GPM6A: variants seen among roughly 807,000 people sequenced by gnomAD.
GPM6A encodes the protein neuronal membrane glycoprotein M6-a.
In GPM6A, 7 loss-of-function variants were observed where a neutral mutation model predicts 32.1. The observed-to-expected ratio is 0.22, with a 90% confidence interval of 0.12 to 0.41. The LOEUF is 0.41. GPM6A is among the 10% of genes least tolerant of loss of function. The probability of loss-of-function intolerance (pLI) is 1.00; values close to 1 mark genes in which losing one functional copy is unlikely to be tolerated. For synonymous variants in GPM6A, 130 were observed against 123.4 expected (o/e 1.05, Z -0.35); for missense variants, 235 against 347.2 (o/e 0.68, Z 2.57).
intron 1 of GPM6A, among the ~76,000 whole-genome samples, chr4:175,900,822 C>T (rs1457204341): frequency 1.3e-5 from 2 of 152,170 alleles, no homozygotes; most frequent in African/African-American, 4.8e-5. Context: ...AGCTGCACTC[C>T]TATGTTTGTT....
At chr4:175,859,977 T>C (rs1736525234) in intron 1 of GPM6A, among the ~76,000 whole-genome samples, 1 of 152,132 alleles carries the variant, frequency 6.6e-6, no homozygotes, top group African/African-American at 2.4e-5. Flanking sequence ...TTTGAGACCA[T>C]TTTAAACTAT....
At chr4:175,865,959 G>C (rs1171507871) in intron 1 of GPM6A, among the ~76,000 whole-genome samples, 1 of 151,932 alleles carries the variant, frequency 6.6e-6, no homozygotes, top group Admixed American at 6.6e-5. Flanking sequence ...TTTTCATTGT[G>C]GAAAAATTTT....
intron 1 of GPM6A, among the ~76,000 whole-genome samples, chr4:175,799,836 G>A (rs1184354074): frequency 3.3e-5 from 5 of 151,264 alleles, no homozygotes; most frequent in South Asian, 2.1e-4. Context: ...CACCGCGCCC[G>A]GCTAATTTTT....
At chr4:175,748,679 C>T (rs536743859) in intron 1 of GPM6A, among the ~76,000 whole-genome samples, 1 of 152,242 alleles carries the variant, frequency 6.6e-6, no homozygotes, top group Admixed American at 6.5e-5. Context: ...GATAAATAAA[C>T]ATTAAAGTTA....
At chr4:175,763,581 T>C (rs1003395226) in intron 1 of GPM6A, among the ~76,000 whole-genome samples, 10 of 152,186 alleles carry the variant, frequency 6.6e-5, no homozygotes, top group African/African-American at 2.4e-4. Context: ...TAAATGCAGT[T>C]TATCTAGGGA....
chr4:175,908,114 TATC>T (rs1738191055), intron 1 of GPM6A, among the ~76,000 whole-genome samples: 1 of 152,200 alleles, frequency 6.6e-6, no homozygotes, highest in Non-Finnish European at 1.5e-5. Context: ...TGGCCATAGT[TATC>T]ATGTTATATA....
intron 1 of GPM6A, among the ~76,000 whole-genome samples, chr4:175,850,796 T>C (rs960901949): frequency 3.3e-5 from 5 of 150,866 alleles, no homozygotes; most frequent in African/African-American, 1.2e-4. Context: ...ATATTGCATA[T>C]ATAAAATTGT....
intron 1 of GPM6A, among the ~76,000 whole-genome samples, chr4:175,977,563 G>T (rs1740697747): frequency 1.3e-5 from 2 of 152,196 alleles, no homozygotes; most frequent in African/African-American, 4.8e-5. Flanking sequence ...TACATTATTT[G>T]ATACATATCT....
chr4:175,737,914 A>C, intron 1 of GPM6A, among the ~76,000 whole-genome samples: 1 of 151,432 alleles, frequency 6.6e-6, no homozygotes. Flanking sequence ...AGATGAGGGC[A>C]TCTAAACATC....
intron 1 of GPM6A, among the ~76,000 whole-genome samples, chr4:175,826,176 C>A (rs10866380): frequency 0.91 from 133,423 of 146,264 alleles, 60,833 homozygotes; most frequent in East Asian, 1. Context: ...AACAAACAAA[C>A]AAAAAAACTG....
At chr4:175,877,256 G>T (rs980332749) in intron 1 of GPM6A, among the ~76,000 whole-genome samples, 1 of 151,998 alleles carries the variant, frequency 6.6e-6, no homozygotes, top group Admixed American at 6.6e-5. Flanking sequence ...AAGAAGCAAG[G>T]GACAGCAAAT....
chr4:175,812,339 T>TTTTC, upstream of GPM6A: 1 of 1,304,912 alleles, frequency 7.7e-7, no homozygotes, highest in Non-Finnish European at 1.0e-6. Context: ...TTTTTTTTTT[T>TTTTC]TCCTGGGAAG....
chr4:175,652,387 G>A (rs1741859347), intron 3 of GPM6A, among the ~76,000 whole-genome samples: 1 of 151,908 alleles, frequency 6.6e-6, no homozygotes, highest in South Asian at 2.1e-4. Context: ...ATTTCCATAG[G>A]ACTAAACTGT....
At chr4:175,810,730 G>A (rs1734885415) in intron 1 of GPM6A, among the ~76,000 whole-genome samples, 1 of 151,946 alleles carries the variant, frequency 6.6e-6, no homozygotes, top group African/African-American at 2.4e-5. Context: ...TCATTATTAG[G>A]TATTACAAAA....
intron 2 of GPM6A, among the ~76,000 whole-genome samples, chr4:175,678,027 A>G (rs1743473909): frequency 6.6e-6 from 1 of 152,194 alleles, no homozygotes; most frequent in African/African-American, 2.4e-5. Context: ...TTTTATATAT[A>G]TGGAAAAAAC....
At chr4:175,997,746 T>A (rs1352392377) in intron 1 of GPM6A, among the ~76,000 whole-genome samples, 2 of 152,178 alleles carry the variant, frequency 1.3e-5, no homozygotes, top group Admixed American at 1.3e-4. Flanking sequence ...TGCAAACAAT[T>A]TTACAGATAC....
chr4:175,771,456 A>C (rs1733186745), intron 1 of GPM6A, among the ~76,000 whole-genome samples: 1 of 151,216 alleles, frequency 6.6e-6, no homozygotes, highest in Non-Finnish European at 1.5e-5. Context: ...CCTGTGTCCC[A>C]GCTACTGAGG....
intron 1 of GPM6A, among the ~76,000 whole-genome samples, chr4:175,880,168 G>A (rs1005592965): frequency 6.6e-6 from 1 of 152,034 alleles, no homozygotes; most frequent in African/African-American, 2.4e-5. Context: ...TCTTATTTTT[G>A]TCAGGTTTGT....
intron 1 of GPM6A, among the ~76,000 whole-genome samples, chr4:175,984,316 C>G (rs536542076): frequency 6.6e-6 from 1 of 152,112 alleles, no homozygotes; most frequent in Admixed American, 6.6e-5. Flanking sequence ...GTGCGTTCCA[C>G]CACGCCCGGC....
Sources: gnomAD v4.1 joint callset for allele counts (sites outside exome capture counted in the v4.1 genomes callset) on GRCh38, gnomAD v4.1.1 for gene constraint, MANE v1.5 for transcripts, NCBI Gene and HGNC (gene_info 2026-07-23, HGNC 2026-07-21) for gene names.